NDUFA12: variants seen among roughly 807,000 people sequenced by gnomAD.
The protein encoded by NDUFA12 is NADH:ubiquinone oxidoreductase subunit A12.
Under a neutral mutation model 20.3 loss-of-function variants are expected in NDUFA12, and 17 were observed. The ratio of observed to expected loss-of-function variants is 0.84; its 90% confidence interval spans 0.57 to 1.26. NDUFA12 has a LOEUF of 1.26. Ranked by LOEUF, NDUFA12 falls within the 50% of genes most tolerant of loss-of-function variation. The pLI, the probability that NDUFA12 is intolerant of heterozygous loss-of-function variation, is 0.00. For synonymous variants in NDUFA12, 72 were observed against 63.6 expected, an observed-to-expected ratio of 1.13 and a Z score of -0.63; for missense variants, 191 against 183.7, an observed-to-expected ratio of 1.04 and a Z score of -0.23.
chr12:95,003,100 G>A (rs1875116953), intron 1 of NDUFA12, among the ~76,000 whole-genome samples: 1 of 152,172 alleles, frequency 6.6e-6, no homozygotes, highest in Admixed American at 6.5e-5. Flanking sequence ...AAATCAAAAA[G>A]CCAAAGTATT....
intron 3 of NDUFA12, among the ~76,000 whole-genome samples, chr12:94,982,444 T>C (rs552846312): frequency 2.0e-5 from 3 of 152,198 alleles, no homozygotes; most frequent in Non-Finnish European, 4.4e-5. Context: ...CGGCTAATTT[T>C]TTTTTGTAGT....
chr12:94,974,009 T>C (rs1873978856), intron 3 of NDUFA12, among the ~76,000 whole-genome samples: 1 of 146,150 alleles, frequency 6.8e-6, no homozygotes, highest in Admixed American at 7.1e-5. Flanking sequence ...TCTTGCTCTG[T>C]GGCGCAGGCT....
intron 3 of NDUFA12, among the ~76,000 whole-genome samples, chr12:94,990,982 A>AT (rs1388486271): frequency 6.6e-6 from 1 of 152,070 alleles, no homozygotes; most frequent in Non-Finnish European, 1.5e-5. Flanking sequence ...CATTATCCAC[A>AT]TTTTAAAGTG....
intron 2 of NDUFA12, among the ~76,000 whole-genome samples, chr12:94,997,963 T>TGACCA (rs1186713890): frequency 2.6e-5 from 4 of 152,308 alleles, no homozygotes; most frequent in South Asian, 2.1e-4. Flanking sequence ...CAGTCAGTGC[T>TGACCA]GCTGCTGCTG....
At chr12:94,974,131 C>A (rs1051432956) in intron 3 of NDUFA12, among the ~76,000 whole-genome samples, 1 of 151,900 alleles carries the variant, frequency 6.6e-6, no homozygotes, top group Non-Finnish European at 1.5e-5. Flanking sequence ...GCCATCATGC[C>A]GGGCTAATTT....
chr12:95,001,005 T>C (rs779036967), intron 2 of NDUFA12, among the ~76,000 whole-genome samples: 2 of 152,204 alleles, frequency 1.3e-5, no homozygotes, highest in Admixed American at 6.5e-5. Context: ...TTACGCACAC[T>C]AATGTTGCTT....
At chr12:95,001,122 A>G (rs1019725469) in intron 2 of NDUFA12, among the ~76,000 whole-genome samples, 2 of 150,836 alleles carry the variant, frequency 1.3e-5, no homozygotes, top group Admixed American at 6.6e-5. Context: ...CTGGGGAACA[A>G]AGTGAGACCC....
In NDUFA12 at chr12:95,002,309, C is replaced by T. The variant is rs558279376; in HGVS notation, c.169+430G>A. On this transcript the variant is annotated intron_variant, in intron 2 of 3. Transcript: ENST00000327772. The stretch of plus-strand genomic sequence containing the variant: ...TACAAAAATTAGCCGGCCATGGTGG[C>T]GCCCGCCTGTGGTCCCAACTACTCA... Among the ~76,000 whole-genome samples, 43 of 151,530 alleles carry T rather than the reference C, an allele frequency of 2.8e-4. No homozygotes were observed. In the South Asian group the frequency reaches 8.5e-3, roughly 30 times the overall value.
At chr12:94,990,481 G>A (rs1366641769) in intron 3 of NDUFA12, among the ~76,000 whole-genome samples, 1 of 152,144 alleles carries the variant, frequency 6.6e-6, no homozygotes, top group Non-Finnish European at 1.5e-5. Flanking sequence ...GGAGTACAGT[G>A]GTGCAATCAT....
chr12:94,980,172 G>A (rs1002535531), intron 3 of NDUFA12, among the ~76,000 whole-genome samples: 4 of 152,024 alleles, frequency 2.6e-5, no homozygotes, highest in African/African-American at 7.2e-5. Context: ...TCCTAAGCTC[G>A]ATTTGTATAT....
intron 3 of NDUFA12, among the ~76,000 whole-genome samples, chr12:94,985,894 G>C (rs1874419476): frequency 6.6e-6 from 1 of 151,870 alleles, no homozygotes; most frequent in African/African-American, 2.4e-5. Flanking sequence ...AGACCAGCCT[G>C]GCCAATATGG....
intron 2 of NDUFA12, among the ~76,000 whole-genome samples, chr12:94,997,790 TG>T (rs1302614639): frequency 9.2e-5 from 13 of 141,676 alleles, no homozygotes; most frequent in Non-Finnish European, 1.3e-4. Context: ...CCAAGCATTT[TG>T]GGTAAGGGAT....
chr12:95,002,642 G>C, intron 2 of NDUFA12, 97 bp downstream of exon 2: 1 of 859,912 alleles, frequency 1.2e-6, no homozygotes, highest in Non-Finnish European at 2.0e-6. Flanking sequence ...TCCTTTTCCA[G>C]GTGTTTTGTA....
intron 3 of NDUFA12, among the ~76,000 whole-genome samples, chr12:94,990,120 G>A (rs1273784766): frequency 6.6e-6 from 1 of 152,108 alleles, no homozygotes; most frequent in Non-Finnish European, 1.5e-5. Flanking sequence ...AAAGCTCAAT[G>A]CATGCTGGGC....
intron 2 of NDUFA12, among the ~76,000 whole-genome samples, chr12:95,000,835 T>C (rs1445089227): frequency 6.6e-6 from 1 of 152,262 alleles, no homozygotes; most frequent in Non-Finnish European, 1.5e-5. Context: ...CATCTCTCTA[T>C]ATTAAATTTA....
chr12:94,973,025 G>A (rs1873941824), intron 3 of NDUFA12, among the ~76,000 whole-genome samples: 1 of 151,858 alleles, frequency 6.6e-6, no homozygotes, highest in Non-Finnish European at 1.5e-5. Context: ...GCAGCCCGGG[G>A]GTGGGGGGAA....
intron 3 of NDUFA12, among the ~76,000 whole-genome samples, chr12:94,979,791 T>C (rs1874178406): frequency 6.7e-6 from 1 of 150,260 alleles, no homozygotes; most frequent in South Asian, 2.1e-4. Flanking sequence ...GCTGAGATCA[T>C]GCCACTGCAC....
At chr12:94,980,440 G>T (rs894227980) in intron 3 of NDUFA12, among the ~76,000 whole-genome samples, 1 of 151,862 alleles carries the variant, frequency 6.6e-6, no homozygotes, top group African/African-American at 2.4e-5. Context: ...CTCTACAAAG[G>T]CTTCTAGAAC....
At chr12:94,984,535 G>T (rs1874347463) in intron 3 of NDUFA12, among the ~76,000 whole-genome samples, 1 of 150,406 alleles carries the variant, frequency 6.6e-6, no homozygotes, top group African/African-American at 2.5e-5. Context: ...CGTCTCCAAA[G>T]AAACAAAAAA....
Sources: allele counts gnomAD v4.1 joint callset (sites outside exome capture counted in the v4.1 genomes callset), GRCh38; gene constraint gnomAD v4.1.1; transcripts MANE v1.5; gene names NCBI Gene and HGNC (gene_info 2026-07-23, HGNC 2026-07-21).